Variants in PCDHGA10 observed in about 807,000 individuals in gnomAD.
PCDHGA10 encodes protocadherin gamma-A10.
Under a neutral mutation model 59.5 loss-of-function variants are expected in PCDHGA10, and 42 were observed. That is an observed-to-expected ratio of 0.71 (90% confidence interval 0.55 to 0.91). The LOEUF is 0.91. PCDHGA10 is among the 40% of genes least tolerant of loss of function. PCDHGA10 has a pLI of 0.00. For synonymous variants in PCDHGA10, 511 were observed against 517.2 expected (o/e 0.99, Z 0.16); for missense variants, 1,111 against 1,198.2 (o/e 0.93, Z 1.07).
intron 1 of PCDHGA10, among the ~76,000 whole-genome samples, chr5:141,480,960 A>G (rs954219522): frequency 1.3e-5 from 2 of 152,190 alleles, no homozygotes; most frequent in African/African-American, 4.8e-5. Context: ...CGGAAGCATC[A>G]GTGAGGGAGA....
At chr5:141,424,036 C>T (rs2096796408) in intron 1 of PCDHGA10, 1 of 1,029,488 alleles carries the variant, frequency 9.7e-7, no homozygotes, top group Non-Finnish European at 1.2e-6. Flanking sequence ...CTTTTTATTT[C>T]CATTTCAATT....
intron 2 of PCDHGA10, among the ~76,000 whole-genome samples, chr5:141,497,671 C>T (rs1026356633): frequency 6.6e-5 from 10 of 151,878 alleles, no homozygotes; most frequent in African/African-American, 2.4e-4. Flanking sequence ...TCCCGAGTAG[C>T]TGGGACAGCA....
intron 1 of PCDHGA10, among the ~76,000 whole-genome samples, chr5:141,425,382 G>A (rs1455106607): frequency 1.3e-5 from 2 of 152,208 alleles, no homozygotes; most frequent in African/African-American, 4.8e-5. Context: ...TTGATTCGGA[G>A]GTAGTGATAA....
intron 1 of PCDHGA10, among the ~76,000 whole-genome samples, chr5:141,443,082 C>A (rs958408385): frequency 6.6e-6 from 1 of 151,624 alleles, no homozygotes; most frequent in African/African-American, 2.4e-5. Flanking sequence ...ACTGAGTGTT[C>A]CAGTCTCCTT....
intron 2 of PCDHGA10, among the ~76,000 whole-genome samples, chr5:141,502,352 C>G (rs544911376): frequency 3.2e-4 from 49 of 151,888 alleles, no homozygotes; most frequent in African/African-American, 1.2e-3. Flanking sequence ...TTTTTAATGA[C>G]ATGGATATTT....
At chr5:141,419,424 A>G (rs1197238939) in intron 1 of PCDHGA10, 1 of 1,613,230 alleles carries the variant, frequency 6.2e-7, no homozygotes, top group Admixed American at 1.7e-5. Flanking sequence ...GCCTTCGACC[A>G]CGAGCAGCTG....
At chr5:141,498,346 C>T (rs780832000) in intron 2 of PCDHGA10, among the ~76,000 whole-genome samples, 1 of 150,796 alleles carries the variant, frequency 6.6e-6, no homozygotes, top group Non-Finnish European at 1.5e-5. Context: ...ATGGGAAAAG[C>T]CTATGCAAAA....
In PCDHGA10 at chr5:141,431,377, T is replaced by A; in HGVS notation, c.2436+15766T>A. 1 of 1,613,426 alleles carries A rather than the reference T, an allele frequency of 6.2e-7. No individual in the cohort carries two copies. Among genetic ancestry groups the A allele is most frequent in the Non-Finnish European group, 8.5e-7 (1 of 1,179,558 alleles). ...GCGCCCTGGACCGCGAAGAAAAGGC[T>A]GCTCACCACCTGGTCCTTACGGCCT... is the stretch of plus-strand genomic sequence containing the variant. On this transcript the variant is annotated intron_variant, in intron 1 of 3. Coordinates refer to ENST00000398610, the MANE Select transcript of PCDHGA10 (RefSeq NM_018913.3). This position sits in a 1 kb window ranked among gnomAD's most constrained non-coding sequence, Gnocchi z 4.8.
At chr5:141,451,091 G>A (rs2098706622) in intron 1 of PCDHGA10, among the ~76,000 whole-genome samples, 1 of 151,962 alleles carries the variant, frequency 6.6e-6, no homozygotes, top group South Asian at 2.1e-4. Context: ...ACCTCCCAAA[G>A]TGTTGGGATT....
intron 1 of PCDHGA10, among the ~76,000 whole-genome samples, chr5:141,438,623 TATATATATATATACACACAC>T (rs1272037524): frequency 7.0e-5 from 3 of 42,840 alleles, no homozygotes; most frequent in African/African-American, 1.6e-4. Flanking sequence ...TATATATATA[TATATATATATATACACACAC>T]ACACACACAT....
In PCDHGA10 at chr5:141,489,684, T is replaced by C. The variant is rs2099690710; in HGVS notation, c.2437-5123T>C. 1.2e-6 allele frequency: 2 copies of C among 1,614,062 alleles called. No individual in the cohort carries two copies. The highest frequency in any genetic ancestry group is 8.5e-7 in the Non-Finnish European group (1 of 1,180,034). On this transcript the variant is annotated intron_variant, in intron 1 of 3. Coordinates refer to ENST00000398610, the MANE Select transcript of PCDHGA10 (RefSeq NM_018913.3). This position sits in a 1 kb window ranked among gnomAD's most constrained non-coding sequence, Gnocchi z 4.5. ...TGCGCATCTCAGAATCAGCAGCATCTGGGGCACGATTCCCACTGGACAGTG... is the reference window on the plus strand; with the variant it reads ...TGCGCATCTCAGAATCAGCAGCATCCGGGGCACGATTCCCACTGGACAGTG...
At chr5:141,474,758 C>T (rs2099354200) in intron 1 of PCDHGA10, among the ~76,000 whole-genome samples, 1 of 152,210 alleles carries the variant, frequency 6.6e-6, no homozygotes, top group Non-Finnish European at 1.5e-5. Flanking sequence ...GACAAATATA[C>T]AGAAATAGTA....
At chr5:141,495,974 CTCTT>C (rs1562171251) in intron 2 of PCDHGA10, among the ~76,000 whole-genome samples, 2 of 152,032 alleles carry the variant, frequency 1.3e-5, no homozygotes, top group Non-Finnish European at 1.5e-5. Context: ...TTCTCTGTTA[CTCTT>C]TCTTTATCTC....
chr5:141,458,512 T>TG (rs2098947554), intron 1 of PCDHGA10, among the ~76,000 whole-genome samples: 2 of 150,084 alleles, frequency 1.3e-5, no homozygotes, highest in African/African-American at 5.0e-5. Context: ...TTTGACACTT[T>TG]GTTTTTTTTT....
chr5:141,511,293 G>A lies in PCDHGA10; in HGVS notation c.*120G>A, dbSNP rs1028501355. On this transcript the variant is annotated 3_prime_UTR_variant, in exon 4 of 4. Coordinates refer to ENST00000398610, the MANE Select transcript of PCDHGA10 (RefSeq NM_018913.3). ...CCCCAGAATACTGGTAGGGGCCAAG[G>A]CCATGCTCCCCTTGGGAAACAGAAA... The A allele has an allele frequency of 3.3e-6, 5 of 1,509,316 alleles. No individual in the cohort carries two copies. In the African/African-American group the frequency reaches 5.6e-5, roughly 17 times the overall value. The allele number at this position is 1,509,316 out of a possible 1,614,324, so 93.5% of individuals were successfully genotyped here.
Position 141,483,626 on chromosome 5 carries a change from G to A in PCDHGA10, c.2437-11181G>A, listed in dbSNP as rs112905417. On this transcript the variant is annotated intron_variant, in intron 1 of 3. Coordinates refer to ENST00000398610, the MANE Select transcript of PCDHGA10 (RefSeq NM_018913.3). ...TTACACCTCCATCATTCCCATGGGA[G>A]AAGGTATAGAGGGGTGTGTGTTTGT... Among the ~76,000 whole-genome samples the A allele has an allele frequency of 6.0e-4, 90 of 150,886 alleles. 1 individual carries two copies. The highest frequency in any genetic ancestry group is 1.7e-3 in the African/African-American group (69 of 40,378).
At chr5:141,450,055 G>A (rs1325291695) in intron 1 of PCDHGA10, among the ~76,000 whole-genome samples, 2 of 137,594 alleles carry the variant, frequency 1.5e-5, no homozygotes, top group Non-Finnish European at 3.0e-5. Flanking sequence ...CGCCCAGGCT[G>A]GAATGCAGTG....
intron 2 of PCDHGA10, 54 bp from the exon 3 acceptor site, chr5:141,505,339 G>A: frequency 1.2e-6 from 2 of 1,612,236 alleles, no homozygotes; most frequent in Middle Eastern, 3.4e-4. Flanking sequence ...GACAGGAGGG[G>A]CATGAGCTGT....
chr5:141,501,664 TATAG>T (rs1161034391), intron 2 of PCDHGA10, among the ~76,000 whole-genome samples: 1 of 152,064 alleles, frequency 6.6e-6, no homozygotes, highest in East Asian at 1.9e-4. Flanking sequence ...TGTTGGAAAA[TATAG>T]ATAATCACAA....
Sources: gnomAD v4.1 joint callset for allele counts (sites outside exome capture counted in the v4.1 genomes callset) on GRCh38, gnomAD v4.1.1 for gene constraint, Gnocchi (gnomAD v3.1) non-coding constraint, MANE v1.5 for transcripts, NCBI Gene and HGNC (gene_info 2026-07-23, HGNC 2026-07-21) for gene names.